Variants in HMCN1 observed in about 807,000 individuals in gnomAD.
HMCN1 encodes the protein hemicentin 1.
Under a neutral mutation model 625.9 loss-of-function variants are expected in HMCN1, and 321 were observed. The ratio of observed to expected loss-of-function variants is 0.51; its 90% CI spans 0.47 to 0.56. HMCN1 has a LOEUF of 0.56. Ranked by LOEUF, HMCN1 falls within the 20% of genes least tolerant of loss-of-function variation. The probability of loss-of-function intolerance (pLI) is 0.00; values close to 1 mark genes in which losing one functional copy is unlikely to be tolerated. For synonymous variants in HMCN1, 2,425 were observed against 2,417.6 expected, an observed-to-expected ratio of 1.00 and a Z score of -0.09; for missense variants, 6,588 against 6,887.3, an observed-to-expected ratio of 0.96 and a Z score of 1.54.
intron 22 of HMCN1, among the ~76,000 whole-genome samples, chr1:185,992,520 T>C (rs183078241): frequency 1.3e-5 from 2 of 152,288 alleles, no homozygotes; most frequent in Non-Finnish European, 2.9e-5. Flanking sequence ...AATACTTTCC[T>C]TACTTTTTGT....
In HMCN1 at chr1:185,958,226, C is replaced by T. The variant is rs1649759570; in HGVS notation, c.1829-4292C>T. On this transcript the variant is annotated intron_variant, in intron 11 of 106. Transcript: ENST00000271588. ...GCCTCCTGGGCCCAGGTGATCCTCC[C>T]ACCTCAGTCTTCCAAAGTAGTAGCT... Among the ~76,000 whole-genome samples, 3 of 152,184 alleles carry T rather than the reference C, an allele frequency of 2.0e-5. No individual in the cohort carries two copies. In the South Asian group the frequency reaches 6.2e-4, roughly 32 times the overall value.
chr1:185,981,429 G>T (rs910490439), intron 17 of HMCN1, among the ~76,000 whole-genome samples: 4 of 151,898 alleles, frequency 2.6e-5, no homozygotes, highest in Non-Finnish European at 5.9e-5. Context: ...TGTATGATAG[G>T]TAAAAATATA....
chr1:186,015,476 C>A, intron 31 of HMCN1, 39 bp downstream of exon 31: 1 of 1,588,056 alleles, frequency 6.3e-7, no homozygotes, highest in Non-Finnish European at 8.6e-7. Flanking sequence ...TACCTTTCTA[C>A]CTATGCTTTC....
Position 186,178,470 on chromosome 1 carries a change from C to T in HMCN1, c.15998C>T (p.Thr5333Ile), listed in dbSNP as rs764282915. The T allele has an allele frequency of 1.9e-6, 3 of 1,613,998 alleles. No homozygotes were observed. Among genetic ancestry groups the T allele is most frequent in the Non-Finnish European group, 2.5e-6 (3 of 1,179,948 alleles). Reference sequence around the variant, plus strand: ...CCTTGTGCACATCAGTGCTCCAACACCCCCGGCAGCTTCAAGTGTATCTGT... The same window carrying T: ...CCTTGTGCACATCAGTGCTCCAACATCCCCGGCAGCTTCAAGTGTATCTGT... ...PKPCAHQCSN[T>I]PGSFKCICPP... Residue 5333 changes from threonine (T) to isoleucine (I), a missense_variant, in exon 104 of 107, where the codon ACC becomes ATC. Physicochemically the swap from Thr to Ile is moderately conservative, Grantham distance 89. Coordinates refer to ENST00000271588, the MANE Select transcript of HMCN1 (RefSeq NM_031935.3).
At chr1:185,900,409 A>C (rs1665736031) in intron 4 of HMCN1, among the ~76,000 whole-genome samples, 1 of 151,970 alleles carries the variant, frequency 6.6e-6, no homozygotes, top group African/African-American at 2.4e-5. Context: ...GTCCTTTATA[A>C]AGATTAGAGG....
chr1:185,757,224 C>T (rs1571310433), intron 1 of HMCN1, among the ~76,000 whole-genome samples: 3 of 152,218 alleles, frequency 2.0e-5, no homozygotes, highest in East Asian at 1.9e-4. Context: ...CCACCCACCT[C>T]GGCCTCCCAA....
intron 12 of HMCN1, 45 bp downstream of exon 12, chr1:185,962,704 A>G (rs993870137): frequency 9.5e-6 from 11 of 1,153,006 alleles, no homozygotes; most frequent in Non-Finnish European, 1.3e-5. Flanking sequence ...AGTGAGAAAA[A>G]TTGATGAGAC....
At chr1:185,858,505 G>A in intron 2 of HMCN1, among the ~76,000 whole-genome samples, 1 of 143,976 alleles carries the variant, frequency 6.9e-6, no homozygotes, top group South Asian at 2.2e-4. Flanking sequence ...ATGGTTCACT[G>A]CAGTCTCCAC....
chr1:185,959,706 A>G (rs1649874948), intron 11 of HMCN1, among the ~76,000 whole-genome samples: 1 of 152,130 alleles, frequency 6.6e-6, no homozygotes, highest in African/African-American at 2.4e-5. Context: ...GGAAATCTCA[A>G]GTAAAAGTGG....
At chr1:185,739,176 T>C (rs1653803211) in intron 1 of HMCN1, among the ~76,000 whole-genome samples, 1 of 152,358 alleles carries the variant, frequency 6.6e-6, no homozygotes, top group Non-Finnish European at 1.5e-5. Context: ...GCTGCATCCA[T>C]GTCACTGAAA....
intron 70 of HMCN1, 78 bp from the exon 71 acceptor site, chr1:186,108,373 CTCTTATTATT>C: frequency 1.3e-6 from 2 of 1,582,466 alleles, no homozygotes; most frequent in Non-Finnish European, 1.7e-6. Context: ...AATTTTATGC[CTCTTATTATT>C]TCATATAGCA....
At chr1:185,982,504 G>C (rs369504335) in intron 18 of HMCN1, 115 bp downstream of exon 18, 1 of 970,664 alleles carries the variant, frequency 1.0e-6, no homozygotes, top group South Asian at 1.4e-5. Flanking sequence ...GCAGTGGTGG[G>C]ATCTAGGCTC....
intron 97 of HMCN1, among the ~76,000 whole-genome samples, chr1:186,160,493 A>G (rs377271777): frequency 3.9e-4 from 58 of 150,122 alleles, no homozygotes; most frequent in African/African-American, 1.4e-3. Flanking sequence ...TGCTTTTCTA[A>G]TTCTTTTAAT....
intron 14 of HMCN1, among the ~76,000 whole-genome samples, chr1:185,967,851 T>C (rs1650530448): frequency 1.3e-5 from 2 of 152,148 alleles, no homozygotes; most frequent in Non-Finnish European, 2.9e-5. Flanking sequence ...GTGATTCTGA[T>C]TGAATAAAGT....
At chr1:185,995,430 A>C (rs1344937450) in intron 24 of HMCN1, among the ~76,000 whole-genome samples, 1 of 152,110 alleles carries the variant, frequency 6.6e-6, no homozygotes, top group Non-Finnish European at 1.5e-5. Context: ...GCTGGGGTGC[A>C]CTCAAAATAG....
intron 2 of HMCN1, among the ~76,000 whole-genome samples, chr1:185,851,604 A>G (rs1364412537): frequency 6.6e-6 from 1 of 152,170 alleles, no homozygotes; most frequent in East Asian, 1.9e-4. Context: ...ATGGTATTCA[A>G]ATCACACAGA....
intron 1 of HMCN1, among the ~76,000 whole-genome samples, chr1:185,819,794 A>C (rs2102265642): frequency 6.6e-6 from 1 of 152,322 alleles, no homozygotes; most frequent in East Asian, 1.9e-4. Context: ...TTTATATTGA[A>C]CCACTGGGTG....
Position 185,893,593 on chromosome 1 carries a change from A to G in HMCN1, c.622-15744A>G, listed in dbSNP as rs115381602. ...GCCCAGCATCATTGTAAATTTTGCT[A>G]CCACGGAAACGTTTTTTTTCCATCT... On this transcript the variant is annotated intron_variant, in intron 4 of 106. Coordinates refer to ENST00000271588, the MANE Select transcript of HMCN1 (RefSeq NM_031935.3). 7.5e-3 allele frequency among the ~76,000 whole-genome samples: 1,137 copies of G among 152,232 alleles called. 8 individuals carry two copies. The highest frequency in any genetic ancestry group is 0.026 in the African/African-American group (1,087 of 41,534).
intron 97 of HMCN1, 95 bp from the exon 98 acceptor site, chr1:186,164,989 ATTGCATTTTTGCATCATGTGTTTCATC>A: frequency 1.2e-6 from 1 of 839,240 alleles, no homozygotes; most frequent in South Asian, 1.4e-5. Flanking sequence ...ATTTTCACCT[ATTGCATTTTTGCATCATGTGTTTCATC>A]TTTGGCATAT....
Sources: gnomAD v4.1 joint callset for allele counts (sites outside exome capture counted in the v4.1 genomes callset) on GRCh38, gnomAD v4.1.1 for gene constraint, MANE v1.5 for transcripts, NCBI Gene and HGNC (gene_info 2026-07-23, HGNC 2026-07-21) for gene names.